Variants in INSL6 observed in about 807,000 individuals in gnomAD.
INSL6 encodes the protein insulin-like peptide INSL6.
Under a neutral mutation model 9.4 loss-of-function variants are expected in INSL6, and 16 were observed. The ratio of observed to expected loss-of-function variants is 1.70; its 90% confidence interval spans 1.15 to 2.59. INSL6 has a LOEUF of 2.59. INSL6 is among the 30% of genes most tolerant of loss of function. The probability of loss-of-function intolerance (pLI) is 0.00; values close to 1 mark genes in which losing one functional copy is unlikely to be tolerated. For synonymous variants in INSL6, 154 were observed against 96.9 expected (o/e 1.59, Z -3.46); for missense variants, 391 against 257.3 (o/e 1.52, Z -3.56).
At chr9:5,172,245 C>G (rs1408727807) in intron 1 of INSL6, among the ~76,000 whole-genome samples, 4 of 151,936 alleles carry the variant, frequency 2.6e-5, no homozygotes, top group Non-Finnish European at 5.9e-5. Context: ...GGCAAAGGAT[C>G]CGCTATTTAA....
At chr9:5,114,496 A>T in the INSL6 span, 4 of 465,622 alleles carry the variant, frequency 8.6e-6, no homozygotes, top group Admixed American at 5.2e-5. Context: ...GCTCCCCCAC[A>T]GGTCTACGTG....
At chr9:5,082,551 C>G in the INSL6 span, among the ~76,000 whole-genome samples, 776 of 152,336 alleles carry the variant, frequency 5.1e-3, 12 homozygotes, top group African/African-American at 0.018. Flanking sequence ...AGTGGCCTTC[C>G]TCTTTTACTA....
the INSL6 span, among the ~76,000 whole-genome samples, chr9:5,042,853 G>C: frequency 5.3e-5 from 8 of 152,186 alleles, no homozygotes. Flanking sequence ...CTGCACCAAA[G>C]CTCGGTCGCC....
chr9:5,139,057 T>G (rs1016051988), intron 2 of INSL6, among the ~76,000 whole-genome samples: 1 of 152,118 alleles, frequency 6.6e-6, no homozygotes, highest in African/African-American at 2.4e-5. Context: ...AAAATAAAAA[T>G]AAAATTTCCT....
chr9:5,177,751 G>A (rs1825343847), intron 1 of INSL6, among the ~76,000 whole-genome samples: 1 of 151,822 alleles, frequency 6.6e-6, no homozygotes, highest in Non-Finnish European at 1.5e-5. Context: ...GCCATCTCTG[G>A]GAAAGGTCAA....
intron 2 of INSL6, among the ~76,000 whole-genome samples, chr9:5,143,558 C>T (rs1345960915): frequency 6.6e-6 from 1 of 151,922 alleles, no homozygotes; most frequent in East Asian, 1.9e-4. Context: ...TCTGATAGTG[C>T]ATATTTGAAT....
chr9:5,163,399 T>C (rs1221632516), downstream of INSL6, among the ~76,000 whole-genome samples: 2 of 152,142 alleles, frequency 1.3e-5, no homozygotes, highest in Admixed American at 1.3e-4. Flanking sequence ...TCAGTAGAAA[T>C]TGTGAAGAGA....
At chr9:5,068,174 CAA>C in the INSL6 span, among the ~76,000 whole-genome samples, 35,533 of 136,006 alleles carry the variant, frequency 0.26, 4,375 homozygotes, top group South Asian at 0.32. Context: ...AAAACAACAA[CAA>C]AAAAAAAAAA....
chr9:5,021,019 A>G, the INSL6 span, among the ~76,000 whole-genome samples: 1 of 152,210 alleles, frequency 6.6e-6, no homozygotes, highest in East Asian at 1.9e-4. Flanking sequence ...TGTTACTCCC[A>G]GGGCCCATGA....
At chr9:5,029,611 T>C in the INSL6 span, among the ~76,000 whole-genome samples, 2,163 of 152,296 alleles carry the variant, frequency 0.014, 63 homozygotes, top group African/African-American at 0.05. Flanking sequence ...TAAAAAAAGA[T>C]TGTGATTAAT....
the INSL6 span, chr9:5,044,529 ATATTATCT>A: frequency 6.9e-7 from 1 of 1,450,264 alleles, no homozygotes; most frequent in Non-Finnish European, 9.6e-7. Flanking sequence ...AGGTATGATT[ATATTATCT>A]TACTTGTACA....
the INSL6 span, among the ~76,000 whole-genome samples, chr9:5,067,152 T>C: frequency 6.6e-6 from 1 of 152,136 alleles, no homozygotes; most frequent in South Asian, 2.1e-4. Flanking sequence ...CGGAAGCAAA[T>C]TTTCTGTTTA....
chr9:5,181,807 G>C (rs957761736), intron 1 of INSL6, among the ~76,000 whole-genome samples: 4 of 152,252 alleles, frequency 2.6e-5, no homozygotes, highest in Admixed American at 6.5e-5. Flanking sequence ...GAAATTTTAA[G>C]AGAAAATCCA....
chr9:5,081,595 C>A, the INSL6 span: 1 of 624,296 alleles, frequency 1.6e-6, no homozygotes, highest in Admixed American at 2.9e-5. Context: ...ATAATTGAAA[C>A]TATTTGAGTT....
At chr9:5,111,017 G>A in the INSL6 span, 6 of 777,946 alleles carry the variant, frequency 7.7e-6, no homozygotes, top group Middle Eastern at 3.6e-4. Context: ...GGGAAGGGCC[G>A]GCCCGCCTCC....
chr9:5,126,564 G>C lies in INSL6; in HGVS notation c.*11-2053C>G, dbSNP rs191396609. ...AGCTTCCAGATAAACAGCATAATCA[G>C]ATGACTGTGGAACAAGGCATGGTTA... On this transcript the variant is annotated intron_variant, in intron 3 of 3. Transcript: ENST00000649639. 10 of 923,166 alleles carry C rather than the reference G, an allele frequency of 1.1e-5. No homozygotes were observed. In the Admixed American group the frequency reaches 2.3e-4, roughly 21 times the overall value. The allele number at this position is 923,166 out of a possible 1,614,324, so 57.2% of individuals were successfully genotyped here.
chr9:5,122,698 G>T, downstream of INSL6, among the ~76,000 whole-genome samples: 1 of 151,866 alleles, frequency 6.6e-6, no homozygotes, highest in East Asian at 1.9e-4. Flanking sequence ...GGCACTCTCC[G>T]CCTGGCACAT....
the INSL6 span, among the ~76,000 whole-genome samples, chr9:5,059,356 T>C: frequency 3.9e-5 from 6 of 152,310 alleles, no homozygotes; most frequent in Admixed American, 2.0e-4. Flanking sequence ...TTAGTTAGTA[T>C]AATGTTTGGA....
downstream of INSL6, chr9:5,123,010 T>G: frequency 1.2e-6 from 2 of 1,607,560 alleles, no homozygotes; most frequent in Non-Finnish European, 1.7e-6. Flanking sequence ...ACAGGTATGC[T>G]CCAGAATCAC....
Sources: gnomAD v4.1 joint callset for allele counts (sites outside exome capture counted in the v4.1 genomes callset) on GRCh38, gnomAD v4.1.1 for gene constraint, MANE v1.5 for transcripts, NCBI Gene and HGNC (gene_info 2026-07-23, HGNC 2026-07-21) for gene names.